Variants in PAPPA2 observed in about 807,000 individuals in gnomAD.
The protein encoded by PAPPA2 is pappalysin 2, also known as pappalysin-2.
Under a neutral mutation model 176.4 loss-of-function variants are expected in PAPPA2, and 86 were observed. The observed-to-expected ratio is 0.49, with a 90% CI of 0.41 to 0.58. PAPPA2 has a LOEUF of 0.58. PAPPA2 is among the 20% of genes least tolerant of loss of function. The pLI is 0.00. For synonymous variants in PAPPA2, 809 were observed against 852.2 expected (o/e 0.95, Z 0.88); for missense variants, 2,073 against 2,256.9 (o/e 0.92, Z 1.65).
intron 1 of PAPPA2, among the ~76,000 whole-genome samples, chr1:176,480,280 G>A (rs1208320582): frequency 2.0e-5 from 3 of 152,286 alleles, no homozygotes; most frequent in Middle Eastern, 3.4e-3. Context: ...TGGGGCACCC[G>A]AAAGGGCAGC....
chr1:176,492,671 T>C (rs568169991), intron 1 of PAPPA2, among the ~76,000 whole-genome samples: 78 of 152,292 alleles, frequency 5.1e-4, no homozygotes, highest in Middle Eastern at 3.4e-3. Context: ...GTTGGAGAGA[T>C]GTTCAGATTT....
In PAPPA2 at chr1:176,792,495, A is replaced by G. The variant is rs553950252; in HGVS notation, c.5020+1013A>G. Among the ~76,000 whole-genome samples the G allele has an allele frequency of 1.6e-4, 24 of 152,314 alleles. No individual in the cohort carries two copies. The East Asian group carries it at 4.2e-3, about 27-fold the overall frequency. ...ATGCTCCTCTTGGGTGGTATTTCAC[A>G]AACAGGTTCTCATCCTCCAAGCCTC... On this transcript the variant is annotated intron_variant, in intron 19 of 22. Coordinates refer to ENST00000367662, the MANE Select transcript of PAPPA2 (RefSeq NM_020318.3).
intron 3 of PAPPA2, among the ~76,000 whole-genome samples, chr1:176,634,291 G>A (rs1262000104): frequency 6.6e-6 from 1 of 152,128 alleles, no homozygotes; most frequent in African/African-American, 2.4e-5. Context: ...ATCCTTTGTA[G>A]GGACATGGGT....
At chr1:176,805,482 G>C (rs1183652859) in intron 21 of PAPPA2, among the ~76,000 whole-genome samples, 1 of 152,170 alleles carries the variant, frequency 6.6e-6, no homozygotes, top group African/African-American at 2.4e-5. Context: ...TGATGTCAGA[G>C]AATTAGGTTC....
At chr1:176,485,556 C>T (rs2102485879) in intron 1 of PAPPA2, among the ~76,000 whole-genome samples, 1 of 152,290 alleles carries the variant, frequency 6.6e-6, no homozygotes, top group Admixed American at 6.5e-5. Context: ...TGTTCACCGA[C>T]TTTATTTTCT....
At chr1:176,685,516 T>G (rs1659795854) in intron 4 of PAPPA2, among the ~76,000 whole-genome samples, 1 of 152,210 alleles carries the variant, frequency 6.6e-6, no homozygotes, top group South Asian at 2.1e-4. Flanking sequence ...TGTGTGCAGA[T>G]TCTAGCTTCA....
At chr1:176,495,419 A>G (rs1195366397) in intron 1 of PAPPA2, among the ~76,000 whole-genome samples, 1 of 152,026 alleles carries the variant, frequency 6.6e-6, no homozygotes, top group African/African-American at 2.4e-5. Flanking sequence ...GCATGCCTCT[A>G]ATCCCAGCTA....
At chr1:176,612,322 A>T (rs143585525) in intron 3 of PAPPA2, among the ~76,000 whole-genome samples, 79 of 151,764 alleles carry the variant, frequency 5.2e-4, no homozygotes, top group Non-Finnish European at 8.0e-4. Flanking sequence ...TGAATCTGGG[A>T]GGCAGAGGTT....
At chr1:176,785,620 C>T (rs978317194) in intron 17 of PAPPA2, among the ~76,000 whole-genome samples, 2 of 152,122 alleles carry the variant, frequency 1.3e-5, no homozygotes, top group African/African-American at 4.8e-5. Flanking sequence ...AGTCTGGGTC[C>T]GGTGTAACTG....
At chr1:176,561,938 G>A (rs1004673318) in intron 2 of PAPPA2, among the ~76,000 whole-genome samples, 1 of 152,170 alleles carries the variant, frequency 6.6e-6, no homozygotes. Context: ...GCAAGACAGC[G>A]TGCGCAGCGG....
intron 1 of PAPPA2, among the ~76,000 whole-genome samples, chr1:176,498,120 T>C (rs1268344650): frequency 1.3e-5 from 2 of 152,242 alleles, no homozygotes; most frequent in African/African-American, 2.4e-5. Flanking sequence ...CTCCCATTAT[T>C]CTTTTCAACT....
chr1:176,637,850 C>T (rs779522063), intron 3 of PAPPA2, among the ~76,000 whole-genome samples: 29 of 152,026 alleles, frequency 1.9e-4, no homozygotes, highest in Non-Finnish European at 7.4e-5. Context: ...ATGTTCTAAT[C>T]TCACCTTTTT....
chr1:176,730,593 T>G (rs1662093802), intron 12 of PAPPA2, among the ~76,000 whole-genome samples: 2 of 140,506 alleles, frequency 1.4e-5, no homozygotes, highest in Non-Finnish European at 3.1e-5. Flanking sequence ...CTCGTTTTTG[T>G]TTTTTGTTTT....
intron 1 of PAPPA2, among the ~76,000 whole-genome samples, chr1:176,536,846 A>G (rs974271768): frequency 9.2e-5 from 14 of 151,994 alleles, no homozygotes; most frequent in African/African-American, 3.1e-4. Context: ...GCAATACACC[A>G]CAAATGGCAT....
chr1:176,568,104 G>A (rs1359852751), intron 2 of PAPPA2, among the ~76,000 whole-genome samples: 1 of 152,184 alleles, frequency 6.6e-6, no homozygotes, highest in East Asian at 1.9e-4. Context: ...GGGCAGAGGA[G>A]ATGTCAGAAG....
rs553799926 is a variant in PAPPA2 at position 176,595,158 on chromosome 1, C to T, written c.1554C>T (p.Pro518=). The T allele has an allele frequency of 5.0e-6, 8 of 1,614,148 alleles. No individual in the cohort carries two copies. The South Asian group carries it at 7.7e-5, about 16-fold the overall frequency. ...ELISQYNGYW[P]LRGEKVIRYQ... is the part of the protein sequence containing the mutation. ...TCTCCCAGTACAATGGATACTGGCC[C>T]CTTCGGGGAGAGAAGGTGATACGCT... The change falls in exon 3 of 23, where the codon CCC becomes CCT. Residue 518 remains proline, a synonymous_variant. Transcript: ENST00000367662.
At chr1:176,812,613 T>C (rs1666204479) in intron 21 of PAPPA2, among the ~76,000 whole-genome samples, 1 of 152,188 alleles carries the variant, frequency 6.6e-6, no homozygotes, top group Admixed American at 6.5e-5. Context: ...AATTAAATAA[T>C]CCAATAGACA....
intron 1 of PAPPA2, among the ~76,000 whole-genome samples, chr1:176,524,735 C>T (rs1483403279): frequency 6.6e-6 from 1 of 152,150 alleles, no homozygotes; most frequent in Non-Finnish European, 1.5e-5. Context: ...TAAAATGTTA[C>T]AGCCTTGGTC....
rs141806117 is a variant in PAPPA2, at chr1:176,559,501, C to T, written c.919+2260C>T. ...ACAGGGCTGCTGAGGGCTTGGGCAT[C>T]CTTGTGTACTCACTGTGCTTAGCTG... On this transcript the variant is annotated intron_variant, in intron 2 of 22. Coordinates refer to ENST00000367662, the MANE Select transcript of PAPPA2 (RefSeq NM_020318.3). Among the ~76,000 whole-genome samples the T allele has an allele frequency of 7.4e-3, 1,132 of 152,302 alleles. 7 individuals carry two copies. The highest frequency in any genetic ancestry group is 0.014 in the Middle Eastern group (4 of 294).
Sources: gnomAD v4.1 joint callset for allele counts (sites outside exome capture counted in the v4.1 genomes callset) on GRCh38, gnomAD v4.1.1 for gene constraint, MANE v1.5 for transcripts, NCBI Gene and HGNC (gene_info 2026-07-23, HGNC 2026-07-21) for gene names.